The following PCBD1 variants were observed in gnomAD, a reference collection of about 807,000 sequenced individuals.
PCBD1 encodes pterin-4 alpha-carbinolamine dehydratase 1.
PCBD1 carries 16 observed loss-of-function variants against 12.6 expected under a neutral mutation model. The observed-to-expected ratio is 1.27, with a 90% CI of 0.86 to 1.93. PCBD1 has a LOEUF of 1.93. Among genes scored for constraint, PCBD1 ranks in the 30% most tolerant of loss-of-function variants. The pLI is 0.00. For synonymous variants in PCBD1, 53 were observed against 50.2 expected (o/e 1.05, Z -0.23); for missense variants, 86 against 130.1 (o/e 0.66, Z 1.65).
rs539645507 is a variant in PCBD1, at chr10:70,883,921, C to T, written c.*29G>A. On this transcript the variant is annotated 3_prime_UTR_variant, in exon 4 of 4. Transcript: ENST00000299299. ...CTCCCAGTTCAGTCACCCCTTCCCC[C>T]GGAAGAATTCAAAGAGGAAGGGCAG... 540 of 1,605,216 alleles carry T rather than the reference C, an allele frequency of 3.4e-4. No individual in the cohort carries two copies. The highest frequency in any genetic ancestry group is 4.4e-4 in the Non-Finnish European group (512 of 1,175,670).
chr10:70,883,433 A>G (rs1200725980), downstream of PCBD1: 6 of 726,756 alleles, frequency 8.3e-6, no homozygotes, highest in Admixed American at 5.1e-5. Flanking sequence ...CCTAGCACAG[A>G]GGAAGTGCTT....
intron 1 of PCBD1, 48 bp from the exon 2 acceptor site, chr10:70,885,977 G>A (rs770900704): frequency 3.7e-6 from 6 of 1,605,728 alleles, no homozygotes; most frequent in Non-Finnish European, 5.1e-6. Flanking sequence ...CTCTTTATAG[G>A]TCAAAACAGA....
rs1300877516 is a variant in PCBD1, at chr10:70,888,428, A to T, written c.3+103T>A. ...CACTTTCGGACCCCGGCGGCTCCGCAGGGGACTCGAAAAGACTTTCCCCCG... is the reference window on the plus strand; with the variant it reads ...CACTTTCGGACCCCGGCGGCTCCGCTGGGGACTCGAAAAGACTTTCCCCCG... On this transcript the variant is annotated intron_variant, in intron 1 of 3. Transcript: ENST00000299299. 1.1e-5 allele frequency: 14 copies of T among 1,330,672 alleles called. No individual in the cohort carries two copies. In the African/African-American group the frequency reaches 1.1e-4, roughly 10 times the overall value. 82.4% of individuals were successfully genotyped at this position (1,330,672 alleles called of 1,614,324 possible). A position where few individuals can be genotyped will look rare whatever the true frequency, so the allele number is the denominator to read the frequency against.
intron 2 of PCBD1, 108 bp downstream of exon 2, chr10:70,885,690 G>A: frequency 7.4e-7 from 1 of 1,347,698 alleles, no homozygotes; most frequent in Non-Finnish European, 1.0e-6. Flanking sequence ...CTGGATGAGT[G>A]TGGTGTCTGA....
At chr10:70,885,506 G>A (rs1184675107) in intron 2 of PCBD1, among the ~76,000 whole-genome samples, 2 of 152,236 alleles carry the variant, frequency 1.3e-5, no homozygotes, top group South Asian at 4.1e-4. Flanking sequence ...CTGTTCAAAT[G>A]TCTTCAGATG....
At chr10:70,882,673 T>A (rs538452862), downstream of PCBD1, among the ~76,000 whole-genome samples, 1 of 152,324 alleles carries the variant, frequency 6.6e-6, no homozygotes, top group East Asian at 1.9e-4. Flanking sequence ...CAGTCGGCTT[T>A]ACTCAGTCTA....
rs1265409893 is a variant in PCBD1 at position 70,885,161 on chromosome 10, C to T, written c.207G>A (p.Val69=). ...ACACAGCATCACTCACCTTGTTGTA[C>T]ACGTTAAACCATTCAGGATGGTGGT... ...KLDHHPEWFN[V]YNKVHITLST... is the part of the protein sequence containing the mutation. The change falls in exon 3 of 4, where the codon GTG becomes GTA. Residue 69 remains valine, a synonymous_variant. Coordinates refer to ENST00000299299, the MANE Select transcript of PCBD1 (RefSeq NM_000281.4). The T allele has an allele frequency of 1.9e-6, 3 of 1,613,474 alleles. No individual in the cohort carries two copies. The highest frequency in any genetic ancestry group is 1.1e-5 in the South Asian group (1 of 91,056).
At chr10:70,888,425 C>A in intron 1 of PCBD1, 106 bp downstream of exon 1, 1 of 1,320,608 alleles carries the variant, frequency 7.6e-7, no homozygotes, top group Non-Finnish European at 1.0e-6. Context: ...CCGGCGGCTC[C>A]GCAGGGGACT....
chr10:70,883,105 A>C (rs1002650132), downstream of PCBD1, among the ~76,000 whole-genome samples: 2 of 152,182 alleles, frequency 1.3e-5, no homozygotes, highest in Non-Finnish European at 2.9e-5. Context: ...TCACACCCTT[A>C]TCTGTGTTCA....
rs1846534160 is a variant in PCBD1, at chr10:70,883,757, G to A, written c.*193C>T. ...GAGCCCCCAGGATGAAGAGAGTGGT[G>A]CAGGGAAAAGGTCTAAATTCCTGGT... On this transcript the variant is annotated 3_prime_UTR_variant, in exon 4 of 4. Coordinates refer to ENST00000299299, the MANE Select transcript of PCBD1 (RefSeq NM_000281.4). The A allele has an allele frequency of 4.1e-6, 6 of 1,471,760 alleles. No homozygotes were observed. In the Admixed American group the frequency reaches 6.4e-5, roughly 16 times the overall value. The allele number at this position is 1,471,760 out of a possible 1,614,324, so 91.2% of individuals were successfully genotyped here. A position where few individuals can be genotyped will look rare whatever the true frequency, so the allele number is the denominator to read the frequency against.
At position 70,885,905 on chromosome 10, in the gene PCBD1, C is replaced by CG; in HGVS notation, c.27dup (p.Ala10ArgfsTer2). 6.2e-7 allele frequency: 1 copy of CG among 1,613,960 alleles called. No homozygotes were observed. The highest frequency in any genetic ancestry group is 2.2e-5 in the East Asian group (1 of 44,880). ...GGCAGCAGCTGGTCCCTCTCCTCAG[C>CG]GCTCAGCCTGTGTGCTTTGCCAGCC... On this transcript the variant is annotated frameshift_variant, in exon 2 of 4. Transcript: ENST00000299299. LOFTEE classifies it high-confidence loss of function.
intron 3 of PCBD1, 49 bp from the exon 4 acceptor site, chr10:70,884,097 G>A: frequency 6.3e-7 from 1 of 1,587,632 alleles, no homozygotes; most frequent in South Asian, 1.1e-5. Flanking sequence ...CTTAAGAACA[G>A]GAGGGAGTCA....
At chr10:70,888,499 C>A in intron 1 of PCBD1, 32 bp downstream of exon 1, 5 of 1,446,722 alleles carry the variant, frequency 3.5e-6, no homozygotes, top group Non-Finnish European at 4.5e-6. Context: ...GGCCCCGCTG[C>A]CCCGATCGCG....
At chr10:70,885,596 C>G (rs1299405572) in intron 2 of PCBD1, among the ~76,000 whole-genome samples, 1 of 152,218 alleles carries the variant, frequency 6.6e-6, no homozygotes, top group Non-Finnish European at 1.5e-5. Flanking sequence ...GACACATCCT[C>G]CTATGGCTCT....
rs1846531182 is a variant in PCBD1, at chr10:70,883,600, G to A, written c.*350C>T. The stretch of plus-strand genomic sequence containing the variant: ...TTTAGGGTCCTGGTTTCTAAGACAA[G>A]ACTTTATTTCACCCTGTATCACAGC... On this transcript the variant is annotated 3_prime_UTR_variant, in exon 4 of 4. Coordinates refer to ENST00000299299, the MANE Select transcript of PCBD1 (RefSeq NM_000281.4). 1 of 1,194,038 alleles carries A rather than the reference G, an allele frequency of 8.4e-7. No individual in the cohort carries two copies. Among genetic ancestry groups the A allele is most frequent in the South Asian group, 1.8e-5 (1 of 55,740 alleles). 74.0% of individuals were successfully genotyped at this position (1,194,038 alleles called of 1,614,324 possible).
intron 1 of PCBD1, 93 bp from the exon 2 acceptor site, chr10:70,886,022 T>C (rs1296647116): frequency 1.3e-6 from 2 of 1,516,256 alleles, no homozygotes; most frequent in Non-Finnish European, 9.0e-7. Flanking sequence ...TAGCTTCCAC[T>C]GGCTGCTTTG....
chr10:70,884,105 T>A (rs1393911810), intron 3 of PCBD1, 57 bp from the exon 4 acceptor site: 1 of 1,572,064 alleles, frequency 6.4e-7, no homozygotes, highest in Non-Finnish European at 8.7e-7. Context: ...CAGGAGGGAG[T>A]CACTAGCTGC....
chr10:70,884,427 A>G (rs940350493), intron 3 of PCBD1, among the ~76,000 whole-genome samples: 10 of 150,522 alleles, frequency 6.6e-5, no homozygotes, highest in Admixed American at 3.3e-4. Flanking sequence ...ACATTTAATG[A>G]CTGTTTCTAT....
chr10:70,883,350 C>T (rs538565329), downstream of PCBD1, among the ~76,000 whole-genome samples: 1 of 152,300 alleles, frequency 6.6e-6, no homozygotes, highest in South Asian at 2.1e-4. Context: ...ATGGTATCCC[C>T]TAGATGATAA....
Sources: allele counts gnomAD v4.1 joint callset (sites outside exome capture counted in the v4.1 genomes callset), GRCh38; gene constraint gnomAD v4.1.1; transcripts MANE v1.5; gene names NCBI Gene and HGNC (gene_info 2026-07-23, HGNC 2026-07-21).